Variants in GPC5 observed in about 807,000 individuals in gnomAD.
The protein encoded by GPC5 is glypican 5, also known as glypican-5.
GPC5 carries 47 observed loss-of-function variants against 53.9 expected under a neutral mutation model. The observed-to-expected ratio is 0.87, with a 90% CI of 0.69 to 1.11. The LOEUF (loss-of-function observed/expected upper bound fraction) is 1.11, where lower values mean the gene tolerates loss of function less well. Ranked by LOEUF, GPC5 falls within the 50% of genes most tolerant of loss-of-function variation. GPC5 has a pLI of 0.00. For synonymous variants in GPC5, 286 were observed against 263.3 expected (o/e 1.09, Z -0.84); for missense variants, 748 against 713.1 (o/e 1.05, Z -0.56).
intron 7 of GPC5, among the ~76,000 whole-genome samples, chr13:92,583,983 G>T (rs1594322580): frequency 6.6e-6 from 1 of 152,104 alleles, no homozygotes; most frequent in East Asian, 1.9e-4. Flanking sequence ...TGATTGTGAG[G>T]CTTCCCCAGC....
intron 7 of GPC5, among the ~76,000 whole-genome samples, chr13:92,555,386 C>A (rs1376674165): frequency 2.0e-5 from 3 of 151,276 alleles, no homozygotes; most frequent in African/African-American, 4.8e-5. Flanking sequence ...CTGAAAGATA[C>A]CTAAAATTAC....
intron 6 of GPC5, among the ~76,000 whole-genome samples, chr13:91,974,961 T>C (rs998950208): frequency 2.0e-5 from 3 of 151,960 alleles, no homozygotes; most frequent in African/African-American, 7.3e-5. Flanking sequence ...TCAGAAATAA[T>C]GCCGCATATC....
chr13:92,401,011 C>A (rs1400600334), intron 7 of GPC5, among the ~76,000 whole-genome samples: 1 of 151,994 alleles, frequency 6.6e-6, no homozygotes, highest in South Asian at 2.1e-4. Flanking sequence ...CAAAATACCC[C>A]TGTAATGTGA....
intron 2 of GPC5, among the ~76,000 whole-genome samples, chr13:91,595,607 T>C (rs929892040): frequency 1.6e-4 from 24 of 152,206 alleles, no homozygotes; most frequent in African/African-American, 4.6e-4. Context: ...TTCTTCTGTA[T>C]TGTATATAAT....
chr13:91,616,480 G>C (rs1170373313), intron 2 of GPC5, among the ~76,000 whole-genome samples: 2 of 152,084 alleles, frequency 1.3e-5, no homozygotes, highest in Non-Finnish European at 2.9e-5. Context: ...ACTAAATGCA[G>C]ATCATCTCAT....
chr13:91,471,501 C>A (rs954601753), intron 2 of GPC5, among the ~76,000 whole-genome samples: 4 of 152,068 alleles, frequency 2.6e-5, no homozygotes, highest in African/African-American at 9.7e-5. Flanking sequence ...TTTTTCAGGA[C>A]ATGTCTAGAA....
chr13:91,481,809 G>C (rs543326762), intron 2 of GPC5, among the ~76,000 whole-genome samples: 9 of 152,248 alleles, frequency 5.9e-5, no homozygotes, highest in African/African-American at 2.2e-4. Context: ...TGATACCTGT[G>C]GAAGGATGCA....
chr13:91,480,509 T>A (rs541169279), intron 2 of GPC5, among the ~76,000 whole-genome samples: 7 of 152,334 alleles, frequency 4.6e-5, no homozygotes, highest in African/African-American at 1.7e-4. Flanking sequence ...GACTATCCAT[T>A]ACTTACTACT....
chr13:92,857,616 CA>C (rs1353511674), intron 7 of GPC5, among the ~76,000 whole-genome samples: 2 of 151,848 alleles, frequency 1.3e-5, no homozygotes, highest in Non-Finnish European at 2.9e-5. Context: ...TTAAACAAAT[CA>C]AAAAGCAAAA....
chr13:92,821,513 T>C (rs773810555), intron 7 of GPC5, among the ~76,000 whole-genome samples: 7 of 152,134 alleles, frequency 4.6e-5, no homozygotes, highest in Non-Finnish European at 1.0e-4. Context: ...GCAATGTCTA[T>C]CAGAGGCAGA....
At chr13:91,899,613 G>A (rs1403312598) in intron 5 of GPC5, among the ~76,000 whole-genome samples, 1 of 151,932 alleles carries the variant, frequency 6.6e-6, no homozygotes, top group East Asian at 1.9e-4. Context: ...TTGGAAGTAG[G>A]GTCTTTGCAG....
chr13:92,464,284 A>T (rs1878605994), intron 7 of GPC5, among the ~76,000 whole-genome samples: 1 of 152,176 alleles, frequency 6.6e-6, no homozygotes, highest in Non-Finnish European at 1.5e-5. Flanking sequence ...TGAACCAATT[A>T]TATCAAATGA....
intron 7 of GPC5, among the ~76,000 whole-genome samples, chr13:92,462,275 T>C (rs1878518497): frequency 6.6e-6 from 1 of 152,056 alleles, no homozygotes; most frequent in African/African-American, 2.4e-5. Context: ...TGAGGAGAGT[T>C]TGTAACATAC....
chr13:91,622,400 T>A (rs140215298), intron 2 of GPC5, among the ~76,000 whole-genome samples: 1 of 152,166 alleles, frequency 6.6e-6, no homozygotes, highest in Non-Finnish European at 1.5e-5. Flanking sequence ...CATTTCTACT[T>A]CAGAGTACAT....
At chr13:91,459,076 G>C (rs116223087) in intron 2 of GPC5, among the ~76,000 whole-genome samples, 1 of 151,916 alleles carries the variant, frequency 6.6e-6, no homozygotes, top group Non-Finnish European at 1.5e-5. Flanking sequence ...TGGGAGGGGG[G>C]TGAGGGATAA....
intron 7 of GPC5, among the ~76,000 whole-genome samples, chr13:92,701,709 A>G (rs1887748663): frequency 6.6e-6 from 1 of 150,762 alleles, no homozygotes; most frequent in African/African-American, 2.5e-5. Flanking sequence ...TTTCTTGTAT[A>G]TTTCACAAAT....
chr13:91,466,328 G>A (rs1026028428), intron 2 of GPC5, among the ~76,000 whole-genome samples: 1 of 152,128 alleles, frequency 6.6e-6, no homozygotes, highest in Non-Finnish European at 1.5e-5. Context: ...ACTCTCCAAG[G>A]GGGACTTGTC....
chr13:92,138,755 T>C (rs1437591860), intron 6 of GPC5, among the ~76,000 whole-genome samples: 1 of 152,008 alleles, frequency 6.6e-6, no homozygotes, highest in African/African-American at 2.4e-5. Flanking sequence ...GCCCCGAGGA[T>C]GGAGCCAACA....
In GPC5 at chr13:91,443,537, C is replaced by T. The variant is rs1731522231; in HGVS notation, c.164-5224C>T. 2.0e-5 allele frequency among the ~76,000 whole-genome samples: 3 copies of T among 152,238 alleles called. No individual in the cohort carries two copies. In the South Asian group the frequency reaches 6.2e-4, roughly 32 times the overall value. On this transcript the variant is annotated intron_variant, in intron 1 of 7. Transcript: ENST00000377067. ...AGCTTCTGTGTTCTTTTGATATGGC[C>T]TGGTAGTTATTTGATAGCTTCTTTG...
Sources: gnomAD v4.1 joint callset for allele counts (sites outside exome capture counted in the v4.1 genomes callset) on GRCh38, gnomAD v4.1.1 for gene constraint, MANE v1.5 for transcripts, NCBI Gene and HGNC (gene_info 2026-07-23, HGNC 2026-07-21) for gene names.